GNE: variants seen among roughly 807,000 people sequenced by gnomAD.
GNE encodes glucosamine (UDP-N-acetyl)-2-epimerase/N-acetylmannosamine kinase, also known as bifunctional UDP-N-acetylglucosamine 2-epimerase/N-acetylmannosamine kinase.
In GNE, 41 loss-of-function variants were observed where a neutral mutation model predicts 61.8. That is an observed-to-expected ratio of 0.66 (90% CI 0.52 to 0.86). The LOEUF is 0.86. Ranked by LOEUF, GNE falls within the 40% of genes least tolerant of loss-of-function variation. GNE has a pLI of 0.00. For synonymous variants in GNE, 264 were observed against 326.4 expected (o/e 0.81, Z 2.06); for missense variants, 608 against 909.1 (o/e 0.67, Z 4.26).
chr9:36,237,092 C>T (rs1032999356), intron 3 of GNE, 108 bp from the exon 4 acceptor site: 7 of 861,464 alleles, frequency 8.1e-6, no homozygotes, highest in African/African-American at 6.7e-5. Flanking sequence ...AAAAATTCTA[C>T]GATAGAAACA....
intron 1 of GNE, among the ~76,000 whole-genome samples, chr9:36,256,088 C>A (rs1312286244): frequency 6.6e-6 from 1 of 151,930 alleles, no homozygotes; most frequent in African/African-American, 2.4e-5. Flanking sequence ...CCATGCCCAG[C>A]TAATTTTTTT....
rs757523840 is a variant in GNE at position 36,218,272 on chromosome 9, G to C, written c.1844C>G (p.Ser615Ter). Reference protein sequence around the residue: ...DEDLLLVEGMSVPKDEAVGAL... With the variant: ...DEDLLLVEGM ...ACCCACAGCCTCATCTTTTGGCACT[G>C]ACATCCCTTCCACCAAGAGCAGGTC... Residue 615 changes from serine to a stop codon, truncating the protein, a stop_gained, in exon 11 of 12, where the codon TCA becomes TGA. Transcript: ENST00000642385. LOFTEE classifies it high-confidence loss of function. This position sits in a 1 kb window ranked among gnomAD's most constrained non-coding sequence, Gnocchi z 4.1. 21 of 1,613,834 alleles carry C rather than the reference G, an allele frequency of 1.3e-5. No individual in the cohort carries two copies. The highest frequency in any genetic ancestry group is 1.6e-4 in the Middle Eastern group (1 of 6,084).
intron 1 of GNE, among the ~76,000 whole-genome samples, chr9:36,264,120 T>C (rs1830692055): frequency 6.6e-6 from 1 of 150,412 alleles, no homozygotes; most frequent in African/African-American, 2.5e-5. Flanking sequence ...CATCTTTTTA[T>C]TTATTTATTT....
chr9:36,227,188 TAAAAA>T lies in GNE; in HGVS notation c.1281+55_1281+59del, dbSNP rs150174400. On this transcript the variant is annotated intron_variant, in intron 7 of 11. Transcript: ENST00000642385. ...GTCTTACCTTCCAACTATATATACTTAAAAAAAAAATCAATCGCTCATATGGGATA... is the reference window on the plus strand; with the variant it reads ...GTCTTACCTTCCAACTATATATACTTAAAAATCAATCGCTCATATGGGATA... 4.8e-6 allele frequency: 5 copies of T among 1,032,368 alleles called. 1 individual carries two copies. The highest frequency in any genetic ancestry group is 4.8e-5 in the African/African-American group (3 of 62,616). The allele number at this position is 1,032,368 out of a possible 1,614,324, so 64.0% of individuals were successfully genotyped here.
chr9:36,260,893 A>G (rs10814363), upstream of GNE, among the ~76,000 whole-genome samples: 1 of 136,982 alleles, frequency 7.3e-6, no homozygotes, highest in Non-Finnish European at 1.5e-5. Context: ...AAAAAAAAAA[A>G]AAAAAAACCC....
chr9:36,266,840 C>T (rs1013967493), intron 1 of GNE, among the ~76,000 whole-genome samples: 3 of 151,774 alleles, frequency 2.0e-5, no homozygotes, highest in Non-Finnish European at 4.4e-5. Context: ...ACCCGGGAGG[C>T]GGAGCTTGCA....
chr9:36,240,876 T>C (rs1473551596), intron 3 of GNE, among the ~76,000 whole-genome samples: 1 of 152,188 alleles, frequency 6.6e-6, no homozygotes, highest in Non-Finnish European at 1.5e-5. Context: ...TGATTTAAGC[T>C]AGTAGGGTTG....
intron 2 of GNE, among the ~76,000 whole-genome samples, chr9:36,247,733 A>T (rs181543812): frequency 7.0e-4 from 106 of 151,548 alleles, no homozygotes; most frequent in South Asian, 5.6e-3. Context: ...ATTTTATATT[A>T]AAAAAAAATC....
chr9:36,250,608 C>G (rs1830075437), intron 1 of GNE, among the ~76,000 whole-genome samples: 1 of 152,162 alleles, frequency 6.6e-6, no homozygotes, highest in African/African-American at 2.4e-5. Flanking sequence ...AGGACTTCCC[C>G]TAGTCCAGTC....
At chr9:36,250,392 A>ACAT (rs1830066324) in intron 1 of GNE, among the ~76,000 whole-genome samples, 1 of 152,178 alleles carries the variant, frequency 6.6e-6, no homozygotes, top group African/African-American at 2.4e-5. Context: ...ATGTCCTATA[A>ACAT]ACACCTTAAA....
At chr9:36,268,414 C>G (rs893803538) in intron 1 of GNE, among the ~76,000 whole-genome samples, 2 of 152,142 alleles carry the variant, frequency 1.3e-5, no homozygotes, top group Admixed American at 6.6e-5. Context: ...ACCTATAATC[C>G]TAGCACTTTA....
chr9:36,258,553 G>A (rs1230378087), upstream of GNE: 2 of 972,010 alleles, frequency 2.1e-6, no homozygotes, highest in Non-Finnish European at 2.4e-6. Flanking sequence ...GAGCTCGCGT[G>A]ATTGGCTGCT....
intron 1 of GNE, 111 bp from the exon 2 acceptor site, chr9:36,249,508 C>T: frequency 1.5e-6 from 1 of 676,384 alleles, no homozygotes; most frequent in Non-Finnish European, 2.5e-6. Context: ...TCCTTAACCA[C>T]TATTTAGTAC....
intron 9 of GNE, among the ~76,000 whole-genome samples, chr9:36,221,000 C>T (rs892303414): frequency 1.5e-4 from 23 of 152,174 alleles, no homozygotes; most frequent in Non-Finnish European, 3.2e-4. Flanking sequence ...GTGTCTGGAA[C>T]TAAAAGAGGA....
At position 36,227,330 on chromosome 9, in the gene GNE, ATAT is replaced by A; in HGVS notation, c.1196_1198del (p.Asp399_Ile400delinsVal). 6.2e-7 allele frequency: 1 copy of A among 1,612,106 alleles called. No individual in the cohort carries two copies. The highest frequency in any genetic ancestry group is 1.3e-5 in the African/African-American group (1 of 75,014). ...ACTTAGAGTTTCAAGAATATGGTCA[ATAT>A]CTTGAGAGATATTCTCCTTCACAGG... is the stretch of plus-strand genomic sequence containing the variant. On this transcript the variant is annotated inframe_deletion, in exon 7 of 12. Transcript: ENST00000642385.
intron 1 of GNE, among the ~76,000 whole-genome samples, chr9:36,270,401 AGT>A (rs1328375296): frequency 6.6e-6 from 1 of 152,022 alleles, no homozygotes; most frequent in Non-Finnish European, 1.5e-5. Context: ...TTATATCAAT[AGT>A]GTTTTAGAAT....
intron 1 of GNE, among the ~76,000 whole-genome samples, chr9:36,267,047 CAG>C (rs1270154798): frequency 2.0e-5 from 3 of 152,130 alleles, no homozygotes; most frequent in Non-Finnish European, 2.9e-5. Flanking sequence ...GCCTGGGCAA[CAG>C]AGTGAGACTC....
In GNE at chr9:36,224,672, C is replaced by T. The variant is rs562468112; in HGVS notation, c.1282-1170G>A. 5.9e-5 allele frequency among the ~76,000 whole-genome samples: 9 copies of T among 152,068 alleles called. No homozygotes were observed. The South Asian group carries it at 1.9e-3, about 32-fold the overall frequency. ...TCACTTTGACCTCAGGAGTTCAAGA[C>T]CAGCCTGCGCAATAAGAGGAAATCC... On this transcript the variant is annotated intron_variant, in intron 7 of 11. Transcript: ENST00000642385.
intron 7 of GNE, 108 bp from the exon 8 acceptor site, chr9:36,223,610 C>G: frequency 8.4e-7 from 1 of 1,187,694 alleles, no homozygotes; most frequent in East Asian, 2.3e-5. Flanking sequence ...AGGATGGCCC[C>G]GCAGTCTTAG....
Sources: gnomAD v4.1 joint callset for allele counts (sites outside exome capture counted in the v4.1 genomes callset) on GRCh38, gnomAD v4.1.1 for gene constraint, Gnocchi (gnomAD v3.1) non-coding constraint, MANE v1.5 for transcripts, NCBI Gene and HGNC (gene_info 2026-07-23, HGNC 2026-07-21) for gene names.